The following CNKSR1 variants were observed in gnomAD, a reference collection of about 807,000 sequenced individuals.
CNKSR1 encodes connector enhancer of kinase suppressor of Ras 1.
In CNKSR1, 88 loss-of-function variants were observed where a neutral mutation model predicts 95.6. That is an observed-to-expected ratio of 0.92 (90% CI 0.78 to 1.10). The LOEUF (loss-of-function observed/expected upper bound fraction) is 1.10, where lower values mean the gene tolerates loss of function less well. Ranked by LOEUF, CNKSR1 falls within the 50% of genes least tolerant of loss-of-function variation. CNKSR1 has a pLI of 0.00. For missense variants in CNKSR1, 836 were observed against 912.0 expected (o/e 0.92, Z 1.07); for synonymous variants, 355 against 369.7 (o/e 0.96, Z 0.46).
Position 26,189,648 on chromosome 1 carries a change from G to T in CNKSR1, c.*100G>T, listed in dbSNP as rs879583497. 5 of 795,962 alleles carry T rather than the reference G, an allele frequency of 6.3e-6. No individual in the cohort carries two copies. Among genetic ancestry groups the T allele is most frequent in the Non-Finnish European group, 1.2e-5 (5 of 432,894 alleles). The allele number at this position is 795,962 out of a possible 1,614,324, so 49.3% of individuals were successfully genotyped here. On this transcript the variant is annotated 3_prime_UTR_variant, in exon 21 of 21. Coordinates refer to ENST00000361530, the MANE Select transcript of CNKSR1 (RefSeq NM_006314.3). The stretch of plus-strand genomic sequence containing the variant: ...AGAGCATCCCTGGATTCTGTTCAGG[G>T]TGGGAAGTAGTACTGCTAGTCATGG...
intron 6 of CNKSR1, among the ~76,000 whole-genome samples, 196 bp downstream of exon 6, chr1:26,182,780 C>T (rs1323486937): frequency 2.6e-5 from 4 of 152,114 alleles, no homozygotes; most frequent in Non-Finnish European, 4.4e-5. Context: ...TGAGGGGCCA[C>T]GCGGGTGTGG....
Position 26,184,135 on chromosome 1 carries a change from C to T in CNKSR1, c.920C>T (p.Ser307Phe). 6.2e-7 allele frequency: 1 copy of T among 1,612,930 alleles called. No individual in the cohort carries two copies. The change falls in exon 10 of 21, where the codon TCT (serine) becomes TTT (phenylalanine). Residue 307 changes from serine (S) to phenylalanine (F), a missense_variant. Coordinates refer to ENST00000361530, the MANE Select transcript of CNKSR1 (RefSeq NM_006314.3). Reference protein sequence around the residue: ...RSPSLSLAPLSPRAPSEDVFA... With the variant: ...RSPSLSLAPLFPRAPSEDVFA... The stretch of plus-strand genomic sequence containing the variant: ...CCATCACTGTCTCTGGCCCCACTGT[C>T]TCCCAGGTAACAGGCTCTGTCCAGG...
Position 26,180,523 on chromosome 1 carries a change from C to T in CNKSR1, c.123C>T (p.Leu41=), listed in dbSNP as rs756858356. The change falls in exon 2 of 21, where the codon CTC becomes CTT. Residue 41 remains leucine, a synonymous_variant. Coordinates refer to ENST00000361530, the MANE Select transcript of CNKSR1 (RefSeq NM_006314.3). ...WQLPGKNLLQ[L]CPQSLEALAV... is the part of the protein sequence containing the mutation. ...TGCCTGGCAAGAACCTGCTCCAGCT[C>T]TGCCCCCAAAGCCTCGAGGCTCTGG... is the stretch of plus-strand genomic sequence containing the variant. 11 of 1,614,104 alleles carry T rather than the reference C, an allele frequency of 6.8e-6. No individual in the cohort carries two copies. The Admixed American group carries it at 1.8e-4, about 27-fold the overall frequency.
rs1320453295 is a variant in CNKSR1 at position 26,180,541 on chromosome 1, G to A, written c.141G>A (p.Glu47=). 3 of 1,614,202 alleles carry A rather than the reference G, an allele frequency of 1.9e-6. No homozygotes were observed. The highest frequency in any genetic ancestry group is 1.7e-6 in the Non-Finnish European group (2 of 1,180,038). ...NLLQLCPQSL[E]ALAVRSLGHQ... ...TCCAGCTCTGCCCCCAAAGCCTCGAGGCTCTGGCTGTGCGGTCTCTGGGAC... is the reference window on the plus strand; with the variant it reads ...TCCAGCTCTGCCCCCAAAGCCTCGAAGCTCTGGCTGTGCGGTCTCTGGGAC... The change falls in exon 2 of 21, where the codon GAG becomes GAA. Residue 47 remains glutamate (E), a synonymous_variant. Transcript: ENST00000361530.
In CNKSR1 at chr1:26,182,473, C is replaced by A; in HGVS notation, c.520-7C>A. 6.2e-7 allele frequency: 1 copy of A among 1,613,742 alleles called. No homozygotes were observed. The highest frequency in any genetic ancestry group is 8.5e-7 in the Non-Finnish European group (1 of 1,179,730). On this transcript the variant is annotated splice_region_variant and splice_polypyrimidine_tract_variant and intron_variant, in intron 5 of 20. Coordinates refer to ENST00000361530, the MANE Select transcript of CNKSR1 (RefSeq NM_006314.3). The stretch of plus-strand genomic sequence containing the variant: ...CTCAGGCTACATAGCCCGCTCCCCT[C>A]CCCCAGTGCAGCCACGTGGCTGGGA...
chr1:26,182,076 C>A, intron 4 of CNKSR1, 135 bp downstream of exon 4: 1 of 900,986 alleles, frequency 1.1e-6, no homozygotes, highest in Non-Finnish European at 1.8e-6. Context: ...GGAGGCCCTG[C>A]CACTGGGTAT....
intron 11 of CNKSR1, 30 bp downstream of exon 11, chr1:26,184,317 A>G (rs752376171): frequency 6.2e-7 from 1 of 1,609,180 alleles, no homozygotes; most frequent in South Asian, 1.1e-5. Context: ...GATGCCCCGG[A>G]CACGGCATCT....
intron 14 of CNKSR1, among the ~76,000 whole-genome samples, chr1:26,185,969 T>C (rs2088743529): frequency 6.6e-6 from 1 of 152,172 alleles, no homozygotes. Context: ...CTGGGCACTA[T>C]GGACACAGAG....
intron 6 of CNKSR1, among the ~76,000 whole-genome samples, 197 bp downstream of exon 6, chr1:26,182,781 G>T (rs2088669732): frequency 6.6e-6 from 1 of 152,328 alleles, no homozygotes; most frequent in South Asian, 2.1e-4. Context: ...GAGGGGCCAC[G>T]CGGGTGTGGC....
In CNKSR1 at chr1:26,183,333, T is replaced by A. The variant is rs750862296; in HGVS notation, c.685-13T>A. 2 of 1,614,098 alleles carry A rather than the reference T, an allele frequency of 1.2e-6. No homozygotes were observed. The highest frequency in any genetic ancestry group is 3.3e-5 in the Admixed American group (2 of 60,022). ...CAAGCCAGGCCAACCTCAGGCCCCA[T>A]TCCCCACGTCAGGTTCCCACTGACT... On this transcript the variant is annotated splice_polypyrimidine_tract_variant and intron_variant, in intron 7 of 20. Coordinates refer to ENST00000361530, the MANE Select transcript of CNKSR1 (RefSeq NM_006314.3).
rs561567904 is a variant in CNKSR1, at chr1:26,189,797, A to G, written c.*249A>G. 2.3e-5 allele frequency: 16 copies of G among 694,348 alleles called. No individual in the cohort carries two copies. The highest frequency in any genetic ancestry group is 4.2e-5 in the Non-Finnish European group (16 of 381,216). 43.0% of individuals were successfully genotyped at this position (694,348 alleles called of 1,614,324 possible). ...AGCCCTGCCCCTCCAGTTCCTTGGC[A>G]GTTCTCCCCCAAACCAGGTCTGTAC... is the stretch of plus-strand genomic sequence containing the variant. On this transcript the variant is annotated 3_prime_UTR_variant, in exon 21 of 21. Coordinates refer to ENST00000361530, the MANE Select transcript of CNKSR1 (RefSeq NM_006314.3).
rs142479267 is a variant in CNKSR1, at chr1:26,188,319, G to A, written c.1528+12G>A. ...ACCCCGAGAGGAAGGTAGGTGTCTCGCAGGGTTGAGTGGGAGGAACCCTCA... is the reference window on the plus strand; with the variant it reads ...ACCCCGAGAGGAAGGTAGGTGTCTCACAGGGTTGAGTGGGAGGAACCCTCA... On this transcript the variant is annotated intron_variant, in intron 17 of 20. Coordinates refer to ENST00000361530, the MANE Select transcript of CNKSR1 (RefSeq NM_006314.3). The A allele has an allele frequency of 1.6e-5, 26 of 1,613,684 alleles. No individual in the cohort carries two copies. The highest frequency in any genetic ancestry group is 2.2e-5 in the Non-Finnish European group (26 of 1,179,778).
At chr1:26,189,049 GACTCCA>G in intron 20 of CNKSR1, 96 bp downstream of exon 20, 2 of 1,377,884 alleles carry the variant, frequency 1.5e-6, no homozygotes, top group South Asian at 1.2e-5. Context: ...CCAGACTCCA[GACTCCA>G]GACTCAGCTC....
Position 26,182,568 on chromosome 1 carries a change from A to G in CNKSR1, c.608A>G (p.Gln203Arg). The G allele has an allele frequency of 6.2e-7, 1 of 1,612,986 alleles. No homozygotes were observed. Among genetic ancestry groups the G allele is most frequent in the Non-Finnish European group, 8.5e-7 (1 of 1,179,964 alleles). ...CAGAAGGCCGTGCTCGAGCAGGTGC[A>G]GCTGGACAGTCCATTGGTGAGCCCT... The part of the protein sequence containing the change: ...LEQKAVLEQV[Q>R]LDSPLGLEIH... The change falls in exon 6 of 21, where the codon CAG becomes CGG. Residue 203 changes from glutamine (Q) to arginine (R), a missense_variant. Coordinates refer to ENST00000361530, the MANE Select transcript of CNKSR1 (RefSeq NM_006314.3).
rs762261953 is a variant in CNKSR1, at chr1:26,188,298, C to T, written c.1519C>T (p.Arg507Ter). Residue 507 changes from arginine (R) to a stop codon, truncating the protein, a stop_gained, in exon 17 of 21, where the codon CGA becomes TGA. Transcript: ENST00000361530. LOFTEE classifies it high-confidence loss of function. ...GTCTCCAGGCCGGGCCCCCCCACCC[C>T]GAGAGGAAGGTAGGTGTCTCGCAGG... ...YQSPGRAPPP[R>*]EEDCYSETEA... The T allele has an allele frequency of 2.0e-5, 33 of 1,613,966 alleles. 1 individual carries two copies. The highest frequency in any genetic ancestry group is 1.2e-4 in the Admixed American group (7 of 60,000).
Position 26,185,024 on chromosome 1 carries a change from C to T in CNKSR1, c.1146C>T (p.Thr382=), listed in dbSNP as rs374437043. 412 of 1,598,154 alleles carry T rather than the reference C, an allele frequency of 2.6e-4. No homozygotes were observed. The highest frequency in any genetic ancestry group is 3.2e-4 in the Non-Finnish European group (372 of 1,177,724). ...GCTGTGCTGCTACAGGCCTGGCGACCCGGCTGAGCCGCCGGCGGGTGTCAT... is the reference window on the plus strand; with the variant it reads ...GCTGTGCTGCTACAGGCCTGGCGACTCGGCTGAGCCGCCGGCGGGTGTCAT... ...VGRKKSKGLA[T]RLSRRRVSCR... is the part of the protein sequence containing the mutation. Residue 382 remains threonine, a synonymous_variant, in exon 14 of 21, where the codon ACC becomes ACT. Coordinates refer to ENST00000361530, the MANE Select transcript of CNKSR1 (RefSeq NM_006314.3).
Position 26,184,261 on chromosome 1 carries a change from G to T in CNKSR1, c.974G>T (p.Ser325Ile). 6.2e-7 allele frequency: 1 copy of T among 1,613,566 alleles called. No individual in the cohort carries two copies. The highest frequency in any genetic ancestry group is 8.5e-7 in the Non-Finnish European group (1 of 1,179,920). The change falls in exon 11 of 21, where the codon AGT becomes ATT. Residue 325 changes from serine to isoleucine, a missense_variant. Transcript: ENST00000361530. ...VFAFDLSSNP[S>I]PGPSPAWTDS... is the part of the protein sequence containing the mutation. Reference sequence around the variant, plus strand: ...GCCTTTGACCTGTCTTCAAACCCCAGTCCCGGACCCAGCCCTGCCTGGACA... The same window carrying T: ...GCCTTTGACCTGTCTTCAAACCCCATTCCCGGACCCAGCCCTGCCTGGACA...
At chr1:26,185,788 G>A (rs370872383) in intron 14 of CNKSR1, among the ~76,000 whole-genome samples, 32 of 151,818 alleles carry the variant, frequency 2.1e-4, no homozygotes, top group Non-Finnish European at 2.4e-4. Flanking sequence ...GCTTCAGCCC[G>A]CCAGAATGCT....
At chr1:26,183,437 T>G (rs1193527511) in intron 8 of CNKSR1, 23 bp downstream of exon 8, 1 of 1,612,690 alleles carries the variant, frequency 6.2e-7, no homozygotes, top group Non-Finnish European at 8.5e-7. Context: ...AGGGACATGG[T>G]AGGAGGTGAA....
Sources: allele counts gnomAD v4.1 joint callset (sites outside exome capture counted in the v4.1 genomes callset), GRCh38; gene constraint gnomAD v4.1.1; transcripts MANE v1.5; gene names NCBI Gene and HGNC (gene_info 2026-07-23, HGNC 2026-07-21).